Variants in SEMA3E observed in about 807,000 individuals in gnomAD.
The protein encoded by SEMA3E is semaphorin 3E.
SEMA3E carries 49 observed loss-of-function variants against 93.6 expected under a neutral mutation model. The observed-to-expected ratio is 0.52, with a 90% CI of 0.42 to 0.66. The LOEUF (loss-of-function observed/expected upper bound fraction) is 0.66. Among genes scored for constraint, SEMA3E ranks in the 30% least tolerant of loss-of-function variants. The pLI is 0.00. For synonymous variants in SEMA3E, 363 were observed against 330.7 expected (o/e 1.10, Z -1.06); for missense variants, 906 against 964.8 (o/e 0.94, Z 0.81).
intron 4 of SEMA3E, among the ~76,000 whole-genome samples, chr7:83,457,067 G>A (rs962072527): frequency 2.6e-4 from 40 of 151,880 alleles, no homozygotes; most frequent in Non-Finnish European, 5.1e-4. Context: ...AATGTAATTC[G>A]GATTTTGCAC....
intron 4 of SEMA3E, among the ~76,000 whole-genome samples, chr7:83,443,028 G>A (rs1789150634): frequency 6.6e-6 from 1 of 152,160 alleles, no homozygotes; most frequent in South Asian, 2.1e-4. Context: ...ACAGAGAGAA[G>A]AGACTGTTGG....
chr7:83,427,188 CTTCCT>C (rs2115729258), intron 4 of SEMA3E, among the ~76,000 whole-genome samples: 1 of 151,722 alleles, frequency 6.6e-6, no homozygotes, highest in Admixed American at 6.6e-5. Flanking sequence ...TTCTTCCTTC[CTTCCT>C]TTCCTTCTTT....
intron 16 of SEMA3E, among the ~76,000 whole-genome samples, chr7:83,378,258 C>T (rs1382392890): frequency 6.6e-6 from 1 of 151,782 alleles, no homozygotes; most frequent in African/African-American, 2.4e-5. Context: ...ATTTTATTTT[C>T]TCCTAATTCA....
chr7:83,551,560 C>T (rs986593867), intron 1 of SEMA3E, among the ~76,000 whole-genome samples: 1 of 152,080 alleles, frequency 6.6e-6, no homozygotes, highest in Non-Finnish European at 1.5e-5. Flanking sequence ...GTAGATGTCA[C>T]AGAACAGTGA....
rs971857441 is a variant in SEMA3E at position 83,363,934 on chromosome 7, C to A, written c.*3652G>T. ...ACGGAGTCTCGCTCTGTCGCCCAGG[C>A]CGGACTGCGGACTGCAGTGGCGCAA... On this transcript the variant is annotated 3_prime_UTR_variant, in exon 17 of 17. Coordinates refer to ENST00000643230, the MANE Select transcript of SEMA3E (RefSeq NM_012431.3). 8 of 122,502 alleles carry A rather than the reference C, an allele frequency of 6.5e-5. No homozygotes were observed. The Admixed American group carries it at 8.3e-4, about 13-fold the overall frequency. 7.6% of individuals were successfully genotyped at this position (122,502 alleles called of 1,614,324 possible).
chr7:83,546,855 G>A (rs1264701367), intron 1 of SEMA3E, among the ~76,000 whole-genome samples: 2 of 152,082 alleles, frequency 1.3e-5, no homozygotes, highest in East Asian at 3.9e-4. Context: ...CAAACTGGTT[G>A]AAGTAAATGT....
intron 4 of SEMA3E, among the ~76,000 whole-genome samples, chr7:83,429,548 C>T (rs1319279189): frequency 5.9e-5 from 9 of 152,138 alleles, no homozygotes; most frequent in Admixed American, 5.9e-4. Context: ...CATTTGCTGC[C>T]TATGTCATCC....
intron 1 of SEMA3E, among the ~76,000 whole-genome samples, chr7:83,528,421 G>C (rs893418018): frequency 6.6e-6 from 1 of 151,998 alleles, no homozygotes; most frequent in Admixed American, 6.6e-5. Context: ...AGACTAGCTG[G>C]GATTTATGAG....
intron 1 of SEMA3E, among the ~76,000 whole-genome samples, chr7:83,592,827 A>G (rs1792781778): frequency 6.6e-6 from 1 of 152,208 alleles, no homozygotes; most frequent in Non-Finnish European, 1.5e-5. Context: ...GTCTTGGAGG[A>G]TGACAGAAGC....
At chr7:83,577,758 T>C (rs917324521) in intron 1 of SEMA3E, among the ~76,000 whole-genome samples, 3 of 152,138 alleles carry the variant, frequency 2.0e-5, no homozygotes, top group Admixed American at 6.5e-5. Context: ...AGAGAGAATG[T>C]AAAGTGATTT....
At chr7:83,626,491 C>A (rs1341333546) in intron 1 of SEMA3E, among the ~76,000 whole-genome samples, 2 of 152,094 alleles carry the variant, frequency 1.3e-5, no homozygotes, top group East Asian at 3.8e-4. Flanking sequence ...GGTTCATTTG[C>A]ATAGAGGTGT....
chr7:83,545,919 T>G, intron 1 of SEMA3E, among the ~76,000 whole-genome samples: 1 of 147,080 alleles, frequency 6.8e-6, no homozygotes, highest in South Asian at 2.1e-4. Flanking sequence ...TATATATATT[T>G]TATTGTGCAT....
chr7:83,401,055 T>C (rs62458484), intron 10 of SEMA3E, among the ~76,000 whole-genome samples: 18,342 of 152,158 alleles, frequency 0.12, 1,227 homozygotes, highest in Non-Finnish European at 0.15. Flanking sequence ...AAAAAGACAC[T>C]CTCTGTTTGC....
chr7:83,494,823 C>T (rs901802507), intron 1 of SEMA3E, among the ~76,000 whole-genome samples: 5 of 151,894 alleles, frequency 3.3e-5, no homozygotes, highest in South Asian at 2.1e-4. Flanking sequence ...TCCTGCATTT[C>T]CCAATTCAAA....
intron 4 of SEMA3E, among the ~76,000 whole-genome samples, chr7:83,422,165 G>A (rs1788679745): frequency 6.6e-6 from 1 of 152,102 alleles, no homozygotes; most frequent in Non-Finnish European, 1.5e-5. Context: ...CAACAAGAGT[G>A]AAACTGTCTC....
At chr7:83,466,224 G>A (rs1789752818) in intron 4 of SEMA3E, among the ~76,000 whole-genome samples, 1 of 152,140 alleles carries the variant, frequency 6.6e-6, no homozygotes, top group Non-Finnish European at 1.5e-5. Context: ...TTGATGTTAA[G>A]AGATGTTCTT....
intron 1 of SEMA3E, among the ~76,000 whole-genome samples, chr7:83,530,159 C>T (rs749479249): frequency 1.3e-5 from 2 of 152,068 alleles, no homozygotes; most frequent in Non-Finnish European, 2.9e-5. Context: ...TGATTGTTTA[C>T]TATAAGGTTC....
intron 1 of SEMA3E, among the ~76,000 whole-genome samples, chr7:83,608,913 C>A (rs1317185866): frequency 6.6e-6 from 1 of 152,042 alleles, no homozygotes; most frequent in Non-Finnish European, 1.5e-5. Flanking sequence ...GTATAACTTG[C>A]AGCATAGAAT....
chr7:83,546,495 G>C (rs1339228607), intron 1 of SEMA3E, among the ~76,000 whole-genome samples: 1 of 151,454 alleles, frequency 6.6e-6, no homozygotes, highest in East Asian at 1.9e-4. Flanking sequence ...GGATGGAGAA[G>C]ACAAAGACAA....
Sources: allele counts gnomAD v4.1 joint callset (sites outside exome capture counted in the v4.1 genomes callset), GRCh38; gene constraint gnomAD v4.1.1; transcripts MANE v1.5; gene names NCBI Gene and HGNC (gene_info 2026-07-23, HGNC 2026-07-21).